RPA3: variants seen among roughly 807,000 people sequenced by gnomAD.
The protein encoded by RPA3 is replication protein A 14 kDa subunit.
RPA3 carries 24 observed loss-of-function variants against 13.7 expected under a neutral mutation model. The ratio of observed to expected loss-of-function variants is 1.75; its 90% confidence interval spans 1.27 to 2.46. The LOEUF (loss-of-function observed/expected upper bound fraction) is 2.46. Ranked by LOEUF, RPA3 falls within the 30% of genes most tolerant of loss-of-function variation. The pLI, the probability that RPA3 is intolerant of heterozygous loss-of-function variation, is 0.00. For synonymous variants in RPA3, 59 were observed against 51.2 expected, an observed-to-expected ratio of 1.15 and a Z score of -0.65; for missense variants, 183 against 151.0, an observed-to-expected ratio of 1.21 and a Z score of -1.11.
chr7:7,683,624 TC>T (rs1779965011), intron 4 of RPA3, among the ~76,000 whole-genome samples: 1 of 151,858 alleles, frequency 6.6e-6, no homozygotes, highest in Admixed American at 6.6e-5. Context: ...TGTTTTCTTT[TC>T]CTTTTCTTTT....
At chr7:7,658,893 T>C (rs1257073885) in intron 4 of RPA3, among the ~76,000 whole-genome samples, 8 of 152,164 alleles carry the variant, frequency 5.3e-5, no homozygotes, top group Admixed American at 5.2e-4. Flanking sequence ...CCAGCTCCTG[T>C]TTGTACCTCT....
rs750399453 is a variant in RPA3 at position 7,637,879 on chromosome 7, C to T, written c.268G>A (p.Asp90Asn). 1 of 1,611,710 alleles carries T rather than the reference C, an allele frequency of 6.2e-7. No individual in the cohort carries two copies. Among genetic ancestry groups the T allele is most frequent in the African/African-American group, 1.3e-5 (1 of 74,834 alleles). ...CTTTATTTACCAAAAGGATGGCTAT[C>T]TTCTTTAAACTGGACATAAGATGTA... ...LCTSYVQFKEDSHPFDLGLYN... is the reference protein window; with the variant it reads ...LCTSYVQFKENSHPFDLGLYN... The change falls in exon 7 of 8, where the codon GAT becomes AAT. Residue 90 changes from aspartate (D) to asparagine (N), a missense_variant. Transcript: ENST00000223129.
chr7:7,718,362 C>T (rs976924686), intron 1 of RPA3, among the ~76,000 whole-genome samples, 153 bp downstream of exon 1: 5 of 152,056 alleles, frequency 3.3e-5, no homozygotes, highest in Non-Finnish European at 5.9e-5. Context: ...TCTGTTCTTA[C>T]CACCATATTC....
intron 4 of RPA3, chr7:7,641,826 C>G (rs767564519): frequency 6.6e-6 from 1 of 152,300 alleles, no homozygotes; most frequent in East Asian, 1.9e-4. Flanking sequence ...CAAAAAAGAT[C>G]CGATTTGAGA....
At chr7:7,706,661 G>T (rs1348750404) in intron 2 of RPA3, among the ~76,000 whole-genome samples, 1 of 152,064 alleles carries the variant, frequency 6.6e-6, no homozygotes, top group African/African-American at 2.4e-5. Context: ...AGAACTCTAA[G>T]AACTTAGTAC....
At chr7:7,716,965 C>T (rs765299240) in intron 1 of RPA3, among the ~76,000 whole-genome samples, 38 of 152,276 alleles carry the variant, frequency 2.5e-4, no homozygotes, top group Non-Finnish European at 4.6e-4. Flanking sequence ...AAACCAACCT[C>T]TTCTTGCCCT....
intron 4 of RPA3, chr7:7,673,357 GCAGCAGCA>G: frequency 7.9e-7 from 1 of 1,272,740 alleles, no homozygotes; most frequent in Non-Finnish European, 1.1e-6. Context: ...AGCAGCAGCA[GCAGCAGCA>G]GCAGCAATGT....
chr7:7,696,124 G>A lies in RPA3; in HGVS notation c.-1027-8796C>T, dbSNP rs185311193. On this transcript the variant is annotated intron_variant, in intron 2 of 7. Transcript: ENST00000223129. ...GGGTTCAAGCGATCCTCCCATTGCA[G>A]CCTCCTGAGTAGCTGGGACTACAGG... Among the ~76,000 whole-genome samples the A allele has an allele frequency of 2.0e-4, 30 of 151,536 alleles. 1 individual carries two copies. The South Asian group carries it at 6.3e-3, about 32-fold the overall frequency.
chr7:7,688,546 G>A (rs1780093420), intron 2 of RPA3, among the ~76,000 whole-genome samples: 1 of 152,164 alleles, frequency 6.6e-6, no homozygotes, highest in African/African-American at 2.4e-5. Context: ...GTCGTGTTCA[G>A]TGTCAAGATC....
chr7:7,644,354 C>CTT (rs35141799), intron 4 of RPA3, among the ~76,000 whole-genome samples: 43,972 of 141,686 alleles, frequency 0.31, 7,812 homozygotes, highest in African/African-American at 0.49. Flanking sequence ...TCATTCCATC[C>CTT]TTTTTTTTTT....
At chr7:7,663,756 G>T (rs888620839) in intron 4 of RPA3, among the ~76,000 whole-genome samples, 1 of 152,162 alleles carries the variant, frequency 6.6e-6, no homozygotes, top group African/African-American at 2.4e-5. Context: ...AAATTGGTTA[G>T]TATCCCCGGG....
In RPA3 at chr7:7,695,180, G is replaced by A. The variant is rs145005733; in HGVS notation, c.-1027-7852C>T. Among the ~76,000 whole-genome samples, 349 of 152,194 alleles carry A rather than the reference G, an allele frequency of 2.3e-3. 4 individuals carry two copies. Among genetic ancestry groups the A allele is most frequent in the African/African-American group, 7.8e-3 (325 of 41,514 alleles). ...TCATATACCTGTTTGCCATTTGTAC[G>A]TCTTCTTTTGAGAAGCTCGCTGTTT... On this transcript the variant is annotated intron_variant, in intron 2 of 7. Transcript: ENST00000223129.
intron 4 of RPA3, among the ~76,000 whole-genome samples, chr7:7,683,171 G>A (rs533888451): frequency 7.9e-5 from 12 of 152,194 alleles, no homozygotes; most frequent in African/African-American, 2.7e-4. Context: ...CATTTTTTTC[G>A]GGGACTCAGT....
At chr7:7,652,761 A>G (rs1785251687) in intron 4 of RPA3, among the ~76,000 whole-genome samples, 1 of 152,352 alleles carries the variant, frequency 6.6e-6, no homozygotes, top group Non-Finnish European at 1.5e-5. Context: ...CAAATGACTG[A>G]GTGTTAAAAG....
intron 2 of RPA3, among the ~76,000 whole-genome samples, chr7:7,692,127 C>T (rs1780186327): frequency 6.6e-6 from 1 of 152,124 alleles, no homozygotes; most frequent in Non-Finnish European, 1.5e-5. Flanking sequence ...GTACTTCGCC[C>T]CCTTTTTCTG....
At chr7:7,701,766 G>A (rs1780469869) in intron 2 of RPA3, among the ~76,000 whole-genome samples, 1 of 152,152 alleles carries the variant, frequency 6.6e-6, no homozygotes, top group Non-Finnish European at 1.5e-5. Context: ...TTCTGCAGCT[G>A]TGGGTCCTCC....
At chr7:7,656,066 C>T (rs1378961015) in intron 4 of RPA3, among the ~76,000 whole-genome samples, 1 of 152,074 alleles carries the variant, frequency 6.6e-6, no homozygotes, top group Non-Finnish European at 1.5e-5. Flanking sequence ...AACTCTCAAC[C>T]TCAGGTGATC....
chr7:7,643,142 C>G (rs781291300), intron 4 of RPA3, among the ~76,000 whole-genome samples: 5 of 152,084 alleles, frequency 3.3e-5, no homozygotes, highest in Non-Finnish European at 7.4e-5. Flanking sequence ...TCTGCAGCGC[C>G]AGGGAGAGGC....
intron 4 of RPA3, among the ~76,000 whole-genome samples, chr7:7,655,794 A>G (rs184374237): frequency 6.6e-6 from 1 of 151,836 alleles, no homozygotes; most frequent in African/African-American, 2.4e-5. Context: ...TTGTAGGTAT[A>G]TAGTAAGTGT....
Sources: allele counts gnomAD v4.1 joint callset (sites outside exome capture counted in the v4.1 genomes callset), GRCh38; gene constraint gnomAD v4.1.1; transcripts MANE v1.5; gene names NCBI Gene and HGNC (gene_info 2026-07-23, HGNC 2026-07-21).